MVD: variants seen among roughly 807,000 people sequenced by gnomAD.
The protein encoded by MVD is diphosphomevalonate decarboxylase.
Under a neutral mutation model 42.4 loss-of-function variants are expected in MVD, and 52 were observed. The ratio of observed to expected loss-of-function variants is 1.23; its 90% CI spans 0.98 to 1.55. MVD has a LOEUF of 1.55. MVD is among the 40% of genes most tolerant of loss of function. The pLI, the probability that MVD is intolerant of heterozygous loss-of-function variation, is 0.00. For synonymous variants in MVD, 287 were observed against 243.2 expected, an observed-to-expected ratio of 1.18 and a Z score of -1.68; for missense variants, 663 against 572.1, an observed-to-expected ratio of 1.16 and a Z score of -1.62.
intron 6 of MVD, 26 bp downstream of exon 6, chr16:88,655,630 C>G (rs1431872070): frequency 1.9e-6 from 3 of 1,547,692 alleles, no homozygotes; most frequent in Non-Finnish European, 2.6e-6. Flanking sequence ...TCCCAGGGCC[C>G]CGGGACCACC....
At chr16:88,654,276 C>G (rs1907766906) in intron 8 of MVD, among the ~76,000 whole-genome samples, 1 of 152,204 alleles carries the variant, frequency 6.6e-6, no homozygotes, top group Non-Finnish European at 1.5e-5. Context: ...ACCCGGCCGC[C>G]TTGACTGGCT....
chr16:88,662,908 C>T, intron 1 of MVD, 103 bp downstream of exon 1: 1 of 1,525,190 alleles, frequency 6.6e-7, no homozygotes, highest in Admixed American at 2.0e-5. Context: ...TGTCGAGGCC[C>T]TGGGAGGGCA....
At position 88,657,938 on chromosome 16, in the gene MVD, C is replaced by A. The variant is rs528393793; in HGVS notation, c.233G>T (p.Arg78Leu). The change falls in exon 3 of 10, where the codon CGG becomes CTG. Residue 78 changes from arginine to leucine, a missense_variant. Arg to Leu is a moderately radical substitution (Grantham distance 102, BLOSUM62 -2). Coordinates refer to ENST00000301012, the MANE Select transcript of MVD (RefSeq NM_002461.3). Reference sequence around the variant, plus strand: ...ACTCTCCCGCAGGCAGGCCTGCAGCCGCGGCTGCCCCACATCCTCCTCCCG... The same window carrying A: ...ACTCTCCCGCAGGCAGGCCTGCAGCAGCGGCTGCCCCACATCCTCCTCCCG... ...NGREEDVGQP[R>L]LQACLREIRC... The A allele has an allele frequency of 6.2e-7, 1 of 1,613,726 alleles. No homozygotes were observed. Among genetic ancestry groups the A allele is most frequent in the South Asian group, 1.1e-5 (1 of 91,086 alleles).
rs768449668 is a variant in MVD at position 88,656,089 on chromosome 16, G to A, written c.603+16C>T. The stretch of plus-strand genomic sequence containing the variant: ...AGGCCACCGGGCTGCTGCTCCACCC[G>A]CCCCACCCCACTCACCACAAGGATG... On this transcript the variant is annotated intron_variant, in intron 5 of 9. Transcript: ENST00000301012. 1.0e-5 allele frequency: 15 copies of A among 1,474,274 alleles called. No homozygotes were observed. The highest frequency in any genetic ancestry group is 2.0e-4 in the Middle Eastern group (1 of 5,082). 91.3% of individuals were successfully genotyped at this position (1,474,274 alleles called of 1,614,324 possible).
intron 1 of MVD, chr16:88,660,382 C>T (rs973597843): frequency 6.6e-6 from 1 of 152,250 alleles, no homozygotes; most frequent in Non-Finnish European, 1.5e-5. Context: ...CAGTGGCTCA[C>T]ACCTACGATC....
intron 2 of MVD, 43 bp downstream of exon 2, chr16:88,658,607 C>G: frequency 6.3e-7 from 1 of 1,588,004 alleles, no homozygotes; most frequent in Non-Finnish European, 8.6e-7. Flanking sequence ...TACAAATGTT[C>G]TGGAAATGGC....
Position 88,654,756 on chromosome 16 carries a change from C to T in MVD, c.949G>A (p.Asp317Asn), listed in dbSNP as rs754059621. 2.5e-6 allele frequency: 4 copies of T among 1,601,090 alleles called. No homozygotes were observed. Among genetic ancestry groups the T allele is most frequent in the East Asian group, 2.3e-5 (1 of 44,130 alleles). ...GPNAVIFTLD[D>N]TVAEFVAAVW... ...GCAGCCACAAACTCAGCCACAGTGT[C>T]GTCCAGGGTGAAGATCACGGCATTG... The change falls in exon 8 of 10, where the codon GAC becomes AAC. Residue 317 changes from aspartate (D) to asparagine (N), a missense_variant. Coordinates refer to ENST00000301012, the MANE Select transcript of MVD (RefSeq NM_002461.3).
chr16:88,658,127 C>T (rs1467774238), intron 2 of MVD, 98 bp from the exon 3 acceptor site: 3 of 1,235,654 alleles, frequency 2.4e-6, no homozygotes. Flanking sequence ...GCTGCCCACT[C>T]GAGCAAGGTC....
Position 88,657,981 on chromosome 16 carries a change from G to A in MVD, c.190C>T (p.Arg64Trp), listed in dbSNP as rs770561548. The A allele has an allele frequency of 1.9e-5, 30 of 1,613,886 alleles. 1 individual carries two copies. In the East Asian group the frequency reaches 2.2e-4, roughly 12 times the overall value. The stretch of plus-strand genomic sequence containing the variant: ...TCCTCCCGGCCATTCAGCCAAATCC[G>A]GTCCTCGGTGAAGTCCTTGCTGATG... ...AVISKDFTEDRIWLNGREEDV... is the reference protein window; with the variant it reads ...AVISKDFTEDWIWLNGREEDV... The change falls in exon 3 of 10, where the codon CGG becomes TGG. Residue 64 changes from arginine (R) to tryptophan (W), a missense_variant. Physicochemically the swap from Arg to Trp is moderately radical, Grantham distance 101. Coordinates refer to ENST00000301012, the MANE Select transcript of MVD (RefSeq NM_002461.3).
Position 88,655,736 on chromosome 16 carries a change from C to T in MVD, c.604-6G>A, listed in dbSNP as rs749089605. The T allele has an allele frequency of 3.3e-5, 52 of 1,554,354 alleles. No homozygotes were observed. In the Admixed American group the frequency reaches 5.2e-4, roughly 15 times the overall value. The stretch of plus-strand genomic sequence containing the variant: ...AGCTTCTTCTCAGCGCTCACCTGCA[C>T]GAGGGAGAGACAGCCTGGGCCACAC... On this transcript the variant is annotated splice_polypyrimidine_tract_variant and splice_region_variant and intron_variant, in intron 5 of 9. Coordinates refer to ENST00000301012, the MANE Select transcript of MVD (RefSeq NM_002461.3).
rs181927969 is a variant in MVD at position 88,653,958 on chromosome 16, G to A, written c.1014-550C>T. On this transcript the variant is annotated intron_variant, in intron 8 of 9. Coordinates refer to ENST00000301012, the MANE Select transcript of MVD (RefSeq NM_002461.3). The stretch of plus-strand genomic sequence containing the variant: ...GTTATTGCTCCCACCCGGGACAGAC[G>A]CACATCCCCACACGCTTCCAGACAC... 1.1e-3 allele frequency among the ~76,000 whole-genome samples: 165 copies of A among 152,202 alleles called. 1 individual carries two copies. The highest frequency in any genetic ancestry group is 1.7e-3 in the Non-Finnish European group (115 of 67,986).
chr16:88,661,225 A>C (rs1908270879), intron 1 of MVD, among the ~76,000 whole-genome samples: 1 of 152,152 alleles, frequency 6.6e-6, no homozygotes, highest in Non-Finnish European at 1.5e-5. Context: ...TTCAGGACAT[A>C]GGGCTAAGCA....
At chr16:88,657,201 C>T (rs763134914) in intron 4 of MVD, 23 of 698,838 alleles carry the variant, frequency 3.3e-5, no homozygotes, top group South Asian at 3.1e-4. Flanking sequence ...CCCCCATCAG[C>T]CTCTTAAGTA....
intron 1 of MVD, among the ~76,000 whole-genome samples, chr16:88,661,321 TTAGC>T (rs1908275896): frequency 3.9e-5 from 6 of 152,158 alleles, no homozygotes; most frequent in African/African-American, 1.4e-4. Flanking sequence ...GACAAAAAGA[TTAGC>T]TAGTTTGGGA....
In MVD at chr16:88,655,436, T is replaced by C. The variant is rs764939620; in HGVS notation, c.679-19A>G. ...CCCGGAACTGCAAGGCACAGGGTGT[T>C]TCCCATGGAGCCGCTGGGGGTCTCG... On this transcript the variant is annotated intron_variant, in intron 6 of 9. Coordinates refer to ENST00000301012, the MANE Select transcript of MVD (RefSeq NM_002461.3). The C allele has an allele frequency of 1.3e-6, 2 of 1,554,726 alleles. No homozygotes were observed. Among genetic ancestry groups the C allele is most frequent in the Non-Finnish European group, 1.7e-6 (2 of 1,155,314 alleles).
Position 88,663,070 on chromosome 16 carries a change from T to A in MVD, c.11A>T (p.Glu4Val). Residue 4 changes from glutamate (E) to valine (V), a missense_variant, in exon 1 of 10, where the codon GAG becomes GTG. Physicochemically the swap from Glu to Val is moderately radical, Grantham distance 121. Coordinates refer to ENST00000301012, the MANE Select transcript of MVD (RefSeq NM_002461.3). ...ACAAGTGACTGCCGCCAGCGGCTTC[T>A]CCGAGGCCATGGTCCCACCGCGCAG... Reference protein sequence around the residue: MASEKPLAAVTCTA... With the variant: MASVKPLAAVTCTA... 1 of 1,609,624 alleles carries A rather than the reference T, an allele frequency of 6.2e-7. No individual in the cohort carries two copies. The highest frequency in any genetic ancestry group is 8.5e-7 in the Non-Finnish European group (1 of 1,178,748).
chr16:88,661,053 A>T (rs1473733529), intron 1 of MVD, among the ~76,000 whole-genome samples: 1 of 151,482 alleles, frequency 6.6e-6, no homozygotes, highest in Non-Finnish European at 1.5e-5. Flanking sequence ...AAAATCCAGA[A>T]ATAGACCCAC....
chr16:88,655,968 TTC>T, intron 5 of MVD, 135 bp downstream of exon 5: 1 of 1,279,618 alleles, frequency 7.8e-7, no homozygotes, highest in South Asian at 1.4e-5. Context: ...TCAACCACGC[TTC>T]TGTTCCTTCA....
chr16:88,662,834 C>A (rs1388664773), intron 1 of MVD, 177 bp downstream of exon 1: 2 of 1,443,638 alleles, frequency 1.4e-6, no homozygotes, highest in African/African-American at 1.5e-5. Context: ...GCTTGTCACG[C>A]GAAGGAGCGC....
Sources: gnomAD v4.1 joint callset for allele counts (sites outside exome capture counted in the v4.1 genomes callset) on GRCh38, gnomAD v4.1.1 for gene constraint, MANE v1.5 for transcripts, NCBI Gene and HGNC (gene_info 2026-07-23, HGNC 2026-07-21) for gene names.